TBC1D1: variants seen among roughly 807,000 people sequenced by gnomAD.
TBC1D1 encodes TBC1 domain family member 1.
In TBC1D1, 89 loss-of-function variants were observed where a neutral mutation model predicts 125.6. The observed-to-expected ratio is 0.71, with a 90% CI of 0.60 to 0.85. TBC1D1 has a LOEUF of 0.85. Among genes scored for constraint, TBC1D1 ranks in the 40% least tolerant of loss-of-function variants. The pLI is 0.00. For synonymous variants in TBC1D1, 565 were observed against 564.1 expected, an observed-to-expected ratio of 1.00 and a Z score of -0.02; for missense variants, 1,377 against 1,469.2, an observed-to-expected ratio of 0.94 and a Z score of 1.03.
intron 7 of TBC1D1, 94 bp downstream of exon 7, chr4:38,027,973 C>A: frequency 1.1e-6 from 1 of 902,206 alleles, no homozygotes; most frequent in Non-Finnish European, 1.7e-6. Context: ...CAGTGTTGTC[C>A]CAACCTGGGG....
At chr4:38,121,849 A>T (rs1052927784) in intron 17 of TBC1D1, among the ~76,000 whole-genome samples, 6 of 152,182 alleles carry the variant, frequency 3.9e-5, no homozygotes, top group East Asian at 1.9e-4. Context: ...GATGTGATTT[A>T]AAAAAATTTC....
chr4:37,976,642 C>T lies in TBC1D1; in HGVS notation c.418-37867C>T, dbSNP rs191713342. On this transcript the variant is annotated intron_variant, in intron 2 of 19. Transcript: ENST00000261439. ...ATGCATAACACATCAGCGATTAAAC[C>T]TTTGGACTTTTTTTTTTTTCAACGT... Among the ~76,000 whole-genome samples, 675 of 150,120 alleles carry T rather than the reference C, an allele frequency of 4.5e-3. 3 individuals carry two copies. Among genetic ancestry groups the T allele is most frequent in the Non-Finnish European group, 7.3e-3 (499 of 67,994 alleles).
chr4:38,036,636 T>C (rs867028182), intron 8 of TBC1D1, among the ~76,000 whole-genome samples: 1 of 152,268 alleles, frequency 6.6e-6, no homozygotes, highest in South Asian at 2.1e-4. Context: ...TTTCATGGGG[T>C]GTACACTTAG....
chr4:38,095,870 G>A lies in TBC1D1; in HGVS notation c.2237-59G>A, dbSNP rs552049731. 2.8e-5 allele frequency: 43 copies of A among 1,517,200 alleles called. No homozygotes were observed. The East Asian group carries it at 5.5e-4, about 19-fold the overall frequency. 94.0% of individuals were successfully genotyped at this position (1,517,200 alleles called of 1,614,324 possible). Reference sequence around the variant, plus strand: ...GATAACAAGTAGGCAGCCATGTTGTGTAATGGAAATTCCATAGCTGTAGCC... The same window carrying A: ...GATAACAAGTAGGCAGCCATGTTGTATAATGGAAATTCCATAGCTGTAGCC... On this transcript the variant is annotated intron_variant, in intron 13 of 19. Transcript: ENST00000261439.
intron 2 of TBC1D1, among the ~76,000 whole-genome samples, chr4:37,974,458 C>T (rs1387757782): frequency 6.6e-6 from 1 of 152,144 alleles, no homozygotes; most frequent in African/African-American, 2.4e-5. Flanking sequence ...AGGCTGGTCT[C>T]GAACTCCTGA....
chr4:38,095,821 T>G, intron 13 of TBC1D1, 108 bp from the exon 16 acceptor site: 1 of 1,182,076 alleles, frequency 8.5e-7, no homozygotes, highest in Non-Finnish European at 1.2e-6. Context: ...TTAAGCCAGT[T>G]GTAACTGCTT....
At chr4:38,031,077 T>C (rs1746035085) in intron 7 of TBC1D1, among the ~76,000 whole-genome samples, 1 of 152,230 alleles carries the variant, frequency 6.6e-6, no homozygotes, top group South Asian at 2.1e-4. Flanking sequence ...CAAACATATC[T>C]AGCTGGGCAT....
At chr4:37,892,006 C>A (rs1713439206) in intron 1 of TBC1D1, among the ~76,000 whole-genome samples, 1 of 151,980 alleles carries the variant, frequency 6.6e-6, no homozygotes, top group Non-Finnish European at 1.5e-5. Context: ...CTTAACATAG[C>A]TTATTCTCTG....
At chr4:37,891,534 T>G (rs1713258236) in intron 1 of TBC1D1, among the ~76,000 whole-genome samples, 186 bp downstream of exon 1, 2 of 81,462 alleles carry the variant, frequency 2.5e-5, no homozygotes. Context: ...TTGCCCCCCT[T>G]ACCCCCCCAC....
chr4:38,104,067 G>A (rs1238301134), intron 15 of TBC1D1, among the ~76,000 whole-genome samples: 1 of 148,328 alleles, frequency 6.7e-6, no homozygotes, highest in Non-Finnish European at 1.5e-5. Context: ...GGCCGAGGCA[G>A]GAGAATGGCG....
chr4:37,972,672 G>A (rs1009576352), intron 2 of TBC1D1, among the ~76,000 whole-genome samples: 2 of 151,886 alleles, frequency 1.3e-5, no homozygotes, highest in African/African-American at 2.4e-5. Flanking sequence ...TTGGGAAGCC[G>A]AGGCGGGCGG....
At chr4:38,043,296 T>TAA (rs989119002) in intron 8 of TBC1D1, among the ~76,000 whole-genome samples, 1 of 148,852 alleles carries the variant, frequency 6.7e-6, no homozygotes, top group African/African-American at 2.5e-5. Flanking sequence ...TGTTGCATAT[T>TAA]AAAAAAAAAA....
intron 12 of TBC1D1, among the ~76,000 whole-genome samples, chr4:38,087,871 A>AG: frequency 6.7e-6 from 1 of 149,602 alleles, no homozygotes; most frequent in Non-Finnish European, 1.5e-5. Context: ...AAGAAAAAAA[A>AG]AAAAAAGAAT....
chr4:38,037,126 T>C (rs1373649259), intron 8 of TBC1D1, among the ~76,000 whole-genome samples: 1 of 152,120 alleles, frequency 6.6e-6, no homozygotes, highest in Non-Finnish European at 1.5e-5. Context: ...ATGAAGCATT[T>C]ACGGTGGATG....
intron 18 of TBC1D1, among the ~76,000 whole-genome samples, chr4:38,131,705 C>T (rs1424650329): frequency 6.6e-6 from 1 of 152,146 alleles, no homozygotes; most frequent in Non-Finnish European, 1.5e-5. Context: ...GACTCAAAGC[C>T]TCTGAGCCAG....
intron 2 of TBC1D1, among the ~76,000 whole-genome samples, chr4:37,930,835 C>T (rs1723115430): frequency 6.6e-6 from 1 of 152,060 alleles, no homozygotes; most frequent in Non-Finnish European, 1.5e-5. Context: ...ATAACACATA[C>T]TTATTTTAAA....
intron 12 of TBC1D1, among the ~76,000 whole-genome samples, chr4:38,063,180 A>G (rs1284540455): frequency 3.9e-5 from 6 of 152,220 alleles, no homozygotes; most frequent in African/African-American, 1.4e-4. Flanking sequence ...GGTGGATAGA[A>G]TTTGTGGACA....
At chr4:38,051,525 G>A (rs1346237279) in intron 11 of TBC1D1, among the ~76,000 whole-genome samples, 1 of 152,022 alleles carries the variant, frequency 6.6e-6, no homozygotes, top group Non-Finnish European at 1.5e-5. Flanking sequence ...TGTAATCCCA[G>A]AGCTTTGGGA....
intron 2 of TBC1D1, among the ~76,000 whole-genome samples, chr4:37,925,433 T>C (rs1345267838): frequency 6.6e-6 from 1 of 152,118 alleles, no homozygotes; most frequent in Non-Finnish European, 1.5e-5. Context: ...ATAAAAATGA[T>C]ACGACTGGTT....
Sources: allele counts gnomAD v4.1 joint callset (sites outside exome capture counted in the v4.1 genomes callset), GRCh38; gene constraint gnomAD v4.1.1; transcripts MANE v1.5; gene names NCBI Gene and HGNC (gene_info 2026-07-23, HGNC 2026-07-21).